ALG14: variants seen among roughly 807,000 people sequenced by gnomAD.
ALG14 encodes the protein ALG14 UDP-N-acetylglucosaminyltransferase subunit.
A neutral mutation model predicts 22.8 loss-of-function variants in ALG14; 17 were observed. The observed-to-expected ratio is 0.75, with a 90% CI of 0.51 to 1.12. The LOEUF (loss-of-function observed/expected upper bound fraction) is 1.12, where lower values mean the gene tolerates loss of function less well. Ranked by LOEUF, ALG14 falls within the 50% of genes most tolerant of loss-of-function variation. The pLI is 0.00. For missense variants in ALG14, 288 were observed against 271.8 expected, an observed-to-expected ratio of 1.06 and a Z score of -0.42; for synonymous variants, 89 against 103.7, an observed-to-expected ratio of 0.86 and a Z score of 0.86.
At chr1:94,986,941 GT>G (rs1672660865) in intron 3 of ALG14, among the ~76,000 whole-genome samples, 2 of 152,096 alleles carry the variant, frequency 1.3e-5, no homozygotes, top group Admixed American at 1.3e-4. Flanking sequence ...AATTCCCCTG[GT>G]GAAAGTCACT....
intron 3 of ALG14, among the ~76,000 whole-genome samples, chr1:95,018,870 A>T (rs1168692127): frequency 5.9e-5 from 9 of 152,244 alleles, no homozygotes; most frequent in South Asian, 2.1e-4. Flanking sequence ...GAATCCAGGC[A>T]CTGCCTCCAC....
rs1286935777 is a variant in ALG14, at chr1:94,976,753, T to C, written c.*6323A>G. 1.3e-5 allele frequency: 2 copies of C among 152,240 alleles called. No individual in the cohort carries two copies. Among genetic ancestry groups the C allele is most frequent in the African/African-American group, 4.8e-5 (2 of 41,534 alleles). 9.4% of individuals were successfully genotyped at this position (152,240 alleles called of 1,614,324 possible). ...CCCCTGATTTACATGCCCTGGATAA[T>C]CTACTATCCGTTAGTATGGGTGGGA... On this transcript the variant is annotated 3_prime_UTR_variant, in exon 4 of 4. Coordinates refer to ENST00000370205, the MANE Select transcript of ALG14 (RefSeq NM_144988.4).
intron 2 of ALG14, among the ~76,000 whole-genome samples, chr1:95,056,543 G>A (rs1674939453): frequency 6.6e-6 from 1 of 152,060 alleles, no homozygotes; most frequent in Non-Finnish European, 1.5e-5. Flanking sequence ...GACTTGGAAG[G>A]CTGAGGTGGG....
At chr1:94,987,637 C>T (rs907097513) in intron 3 of ALG14, among the ~76,000 whole-genome samples, 1 of 152,050 alleles carries the variant, frequency 6.6e-6, no homozygotes, top group African/African-American at 2.4e-5. Context: ...TAACATTCTG[C>T]ATGTATGAAA....
chr1:95,016,452 A>C (rs933506423), intron 3 of ALG14, among the ~76,000 whole-genome samples: 1 of 152,174 alleles, frequency 6.6e-6, no homozygotes, highest in Non-Finnish European at 1.5e-5. Context: ...ATGACCATTG[A>C]ATAATATGAC....
Position 94,988,215 on chromosome 1 carries a change from C to T in ALG14, c.421-4909G>A, listed in dbSNP as rs1672689457. Among the ~76,000 whole-genome samples, 4 of 152,228 alleles carry T rather than the reference C, an allele frequency of 2.6e-5. No homozygotes were observed. The South Asian group carries it at 8.3e-4, about 32-fold the overall frequency. On this transcript the variant is annotated intron_variant, in intron 3 of 3. Transcript: ENST00000370205. ...AAATGAGGAAGGGAGAAAACACTGA[C>T]ATGTAGGAATTGTCAATAAAGAAAG... is the stretch of plus-strand genomic sequence containing the variant.
Position 95,027,038 on chromosome 1 carries a change from T to C in ALG14, c.420+91A>G. The C allele has an allele frequency of 2.7e-6, 4 of 1,476,626 alleles. No individual in the cohort carries two copies. The South Asian group carries it at 3.8e-5, about 14-fold the overall frequency. The allele number at this position is 1,476,626 out of a possible 1,614,324, so 91.5% of individuals were successfully genotyped here. On this transcript the variant is annotated intron_variant, in intron 3 of 3. Transcript: ENST00000370205. ...GCATACTACCTGGCACACTAATAAA[T>C]GGTAGCTGTTTAAGAAAACAGTATG...
chr1:95,044,588 C>T (rs1674485451), intron 2 of ALG14, among the ~76,000 whole-genome samples: 1 of 152,104 alleles, frequency 6.6e-6, no homozygotes. Flanking sequence ...GAGTCCCCAT[C>T]GCCTTCAAGG....
At chr1:95,007,004 A>G (rs1289235817) in intron 3 of ALG14, among the ~76,000 whole-genome samples, 19 of 152,226 alleles carry the variant, frequency 1.2e-4, no homozygotes, top group Admixed American at 1.2e-3. Flanking sequence ...GCTGAAATAT[A>G]TAACTGTATT....
chr1:95,032,196 GAATA>G (rs897492322), intron 2 of ALG14, among the ~76,000 whole-genome samples: 9 of 151,708 alleles, frequency 5.9e-5, no homozygotes, highest in Admixed American at 1.3e-4. Context: ...AAATTTTATT[GAATA>G]AATAATTCAA....
rs562202853 is a variant in ALG14 at position 94,997,212 on chromosome 1, T to A, written c.421-13906A>T. Among the ~76,000 whole-genome samples the A allele has an allele frequency of 2.0e-5, 3 of 152,224 alleles. No individual in the cohort carries two copies. In the South Asian group the frequency reaches 6.2e-4, roughly 32 times the overall value. ...GCTGCAGGTGCTTCACATTACAACC[T>A]GGGTCTTTGGGGAGGTGAGGGCACA... On this transcript the variant is annotated intron_variant, in intron 3 of 3. Transcript: ENST00000370205.
chr1:95,031,005 G>A (rs781685504), intron 2 of ALG14, among the ~76,000 whole-genome samples: 2 of 152,158 alleles, frequency 1.3e-5, no homozygotes, highest in African/African-American at 2.4e-5. Context: ...ACCATACAAG[G>A]AGCCAACCTC....
At position 95,072,804 on chromosome 1, in the gene ALG14, G is replaced by C. The variant is rs1253966197; in HGVS notation, c.95C>G (p.Thr32Arg). 1 of 1,614,144 alleles carries C rather than the reference G, an allele frequency of 6.2e-7. No individual in the cohort carries two copies. Among genetic ancestry groups the C allele is most frequent in the South Asian group, 1.1e-5 (1 of 91,088 alleles). Residue 32 changes from threonine to arginine, a missense_variant, in exon 1 of 4, where the codon ACG (threonine) becomes AGG (arginine). Physicochemically the swap from Thr to Arg is moderately conservative, Grantham distance 71. Coordinates refer to ENST00000370205, the MANE Select transcript of ALG14 (RefSeq NM_144988.4). ...CAAGATACTGAGAGACTCCCGGGGC[G>C]TAACGTCCATGGAACGAAGCACTAC... ...IWVVLRSMDVTPRESLSILVV... is the reference protein window; with the variant it reads ...IWVVLRSMDVRPRESLSILVV...
chr1:95,033,149 C>G (rs1049581723), intron 2 of ALG14, among the ~76,000 whole-genome samples: 4 of 151,786 alleles, frequency 2.6e-5, no homozygotes, highest in African/African-American at 9.7e-5. Flanking sequence ...TGTTCCTGAC[C>G]CAGCTTCATG....
At chr1:95,026,984 G>T in intron 3 of ALG14, 145 bp downstream of exon 3, 2 of 1,024,412 alleles carry the variant, frequency 2.0e-6, no homozygotes, top group Non-Finnish European at 2.8e-6. Flanking sequence ...GGAAGTCCAA[G>T]ATCAAGGCAC....
intron 3 of ALG14, among the ~76,000 whole-genome samples, chr1:95,019,428 C>A (rs532711845): frequency 6.6e-6 from 1 of 152,318 alleles, no homozygotes; most frequent in African/African-American, 2.4e-5. Flanking sequence ...AATGCTAACA[C>A]AGCTTTTGCA....
chr1:95,054,845 T>C (rs1439015517), intron 2 of ALG14, among the ~76,000 whole-genome samples: 1 of 152,146 alleles, frequency 6.6e-6, no homozygotes, highest in Admixed American at 6.6e-5. Context: ...TTGATACCAA[T>C]ACCAAAGAAA....
chr1:94,992,382 T>C (rs1438208719), intron 3 of ALG14, among the ~76,000 whole-genome samples: 1 of 152,160 alleles, frequency 6.6e-6, no homozygotes, highest in Non-Finnish European at 1.5e-5. Flanking sequence ...TGGGGTGATA[T>C]AGAAGACAAA....
intron 3 of ALG14, among the ~76,000 whole-genome samples, chr1:94,991,920 T>C (rs1033821646): frequency 6.6e-6 from 1 of 152,038 alleles, no homozygotes; most frequent in Admixed American, 6.5e-5. Context: ...ACCCTAGGCC[T>C]ACACAGCATC....
Sources: gnomAD v4.1 joint callset for allele counts (sites outside exome capture counted in the v4.1 genomes callset) on GRCh38, gnomAD v4.1.1 for gene constraint, MANE v1.5 for transcripts, NCBI Gene and HGNC (gene_info 2026-07-23, HGNC 2026-07-21) for gene names.